Variants in MS4A13 observed in about 807,000 individuals in gnomAD.
The protein encoded by MS4A13 is membrane spanning 4-domains A13.
A neutral mutation model predicts 18.4 loss-of-function variants in MS4A13; 21 were observed. That is an observed-to-expected ratio of 1.14 (90% CI 0.81 to 1.64). The LOEUF is 1.64. Ranked by LOEUF, MS4A13 falls within the 40% of genes most tolerant of loss-of-function variation. The probability of loss-of-function intolerance (pLI) is 0.00; values close to 1 mark genes in which losing one functional copy is unlikely to be tolerated. For synonymous variants in MS4A13, 62 were observed against 57.2 expected (o/e 1.08, Z -0.38); for missense variants, 173 against 176.8 (o/e 0.98, Z 0.12).
At chr11:60,539,242 G>C (rs549003599) in intron 6 of MS4A13, among the ~76,000 whole-genome samples, 1 of 146,078 alleles carries the variant, frequency 6.8e-6, no homozygotes, top group Middle Eastern at 3.6e-3. Context: ...AGAATTATAA[G>C]ATGGCAACAA....
rs1162210477 is a variant in MS4A13 at position 60,515,602 on chromosome 11, T to C, written c.-134T>C. On this transcript the variant is annotated 5_prime_UTR_variant, in exon 1 of 7. It removes an upstream start codon present in the reference 5' UTR. Coordinates refer to ENST00000378186, the MANE Select transcript of MS4A13 (RefSeq NM_001012417.3). ...TCCTTGGAACCTTGAACAAGTAAAA[T>C]GCAGGGTAGTGATGTCGCTTTGCTG... The C allele has an allele frequency of 6.6e-6, 1 of 152,114 alleles. No individual in the cohort carries two copies. The highest frequency in any genetic ancestry group is 2.4e-5 in the African/African-American group (1 of 41,414). 9.4% of individuals were successfully genotyped at this position (152,114 alleles called of 1,614,324 possible).
At chr11:60,535,149 C>T (rs1397886309) in intron 6 of MS4A13, among the ~76,000 whole-genome samples, 66 of 43,340 alleles carry the variant, frequency 1.5e-3, no homozygotes, top group South Asian at 6.3e-3. Flanking sequence ...CAAAAGCTAG[C>T]AGAAGGCAAG....
intron 5 of MS4A13, among the ~76,000 whole-genome samples, chr11:60,527,404 C>CTGTGTGTGTGTGTG (rs1565212716): frequency 6.8e-4 from 50 of 73,484 alleles, no homozygotes; most frequent in East Asian, 1.1e-3. Flanking sequence ...CTCTCTCTCT[C>CTGTGTGTGTGTGTG]TCTCTCTGTG....
chr11:60,540,496 G>T (rs2086848466), intron 6 of MS4A13, among the ~76,000 whole-genome samples: 1 of 152,170 alleles, frequency 6.6e-6, no homozygotes, highest in African/African-American at 2.4e-5. Context: ...TGGGAATAAA[G>T]TTGCTGTATT....
chr11:60,521,007 C>T (rs956225491), intron 3 of MS4A13, among the ~76,000 whole-genome samples: 1 of 152,250 alleles, frequency 6.6e-6, no homozygotes, highest in Non-Finnish European at 1.5e-5. Context: ...AGGCTCAACA[C>T]CACATGGAAA....
chr11:60,531,558 A>G (rs1304504299), intron 6 of MS4A13, among the ~76,000 whole-genome samples: 1 of 152,224 alleles, frequency 6.6e-6, no homozygotes, highest in Non-Finnish European at 1.5e-5. Flanking sequence ...AAAGGGTAGA[A>G]GTCTTACTGG....
At chr11:60,516,243 C>T (rs776714091) in intron 2 of MS4A13, among the ~76,000 whole-genome samples, 159 bp downstream of exon 2, 8 of 150,896 alleles carry the variant, frequency 5.3e-5, no homozygotes, top group Non-Finnish European at 1.0e-4. Flanking sequence ...TTTGACTGAT[C>T]TCATGTTCCT....
At chr11:60,530,173 A>G (rs1307882733) in intron 6 of MS4A13, among the ~76,000 whole-genome samples, 5 of 152,236 alleles carry the variant, frequency 3.3e-5, no homozygotes, top group African/African-American at 1.2e-4. Flanking sequence ...TACGGAGAGC[A>G]TGCTATTTGC....
chr11:60,517,788 T>C (rs1478341288), intron 2 of MS4A13, among the ~76,000 whole-genome samples: 3 of 152,164 alleles, frequency 2.0e-5, no homozygotes, highest in Non-Finnish European at 1.5e-5. Flanking sequence ...AGGGAGACTA[T>C]CCAGTGATAG....
At chr11:60,531,293 A>T (rs963418265) in intron 6 of MS4A13, among the ~76,000 whole-genome samples, 2 of 152,178 alleles carry the variant, frequency 1.3e-5, no homozygotes, top group African/African-American at 4.8e-5. Flanking sequence ...TGGGGCAAAA[A>T]ATTTACTAGC....
intron 6 of MS4A13, among the ~76,000 whole-genome samples, chr11:60,540,224 T>C (rs2086845865): frequency 6.6e-6 from 1 of 152,204 alleles, no homozygotes; most frequent in Non-Finnish European, 1.5e-5. Context: ...CATGAAAGTA[T>C]TCATAGACAA....
intron 6 of MS4A13, 73 bp downstream of exon 6, chr11:60,529,533 A>C: frequency 1.4e-6 from 1 of 734,554 alleles, no homozygotes; most frequent in Non-Finnish European, 2.2e-6. Flanking sequence ...GAGAAGATGA[A>C]GTGCACTGAT....
At chr11:60,540,849 G>A (rs2135273933) in intron 6 of MS4A13, among the ~76,000 whole-genome samples, 1 of 151,906 alleles carries the variant, frequency 6.6e-6, no homozygotes, top group African/African-American at 2.4e-5. Context: ...AGCTACTTAG[G>A]CAGCTGAGGT....
At chr11:60,528,319 C>T (rs1157355909) in intron 5 of MS4A13, among the ~76,000 whole-genome samples, 1 of 152,174 alleles carries the variant, frequency 6.6e-6, no homozygotes, top group Admixed American at 6.5e-5. Flanking sequence ...TTCCTTCCTT[C>T]GTTTTTCTCA....
intron 6 of MS4A13, among the ~76,000 whole-genome samples, chr11:60,541,353 C>T (rs753954157): frequency 1.9e-4 from 29 of 152,122 alleles, no homozygotes; most frequent in Admixed American, 2.0e-4. Context: ...TCATAGTAGT[C>T]CCAAAGTGGA....
chr11:60,521,172 T>C (rs1250340551), intron 3 of MS4A13, among the ~76,000 whole-genome samples: 1 of 152,208 alleles, frequency 6.6e-6, no homozygotes, highest in East Asian at 1.9e-4. Context: ...AAACCACTTT[T>C]TCCTCCTAGG....
At chr11:60,524,543 C>T (rs2086699512) in intron 4 of MS4A13, among the ~76,000 whole-genome samples, 1 of 152,104 alleles carries the variant, frequency 6.6e-6, no homozygotes, top group African/African-American at 2.4e-5. Flanking sequence ...CAACTGACTC[C>T]TATTTCTACA....
chr11:60,519,080 TTG>T (rs2086656913), intron 3 of MS4A13, among the ~76,000 whole-genome samples: 1 of 152,154 alleles, frequency 6.6e-6, no homozygotes, highest in Non-Finnish European at 1.5e-5. Flanking sequence ...GATCAAGTAT[TTG>T]TGTAGGCAAG....
intron 6 of MS4A13, among the ~76,000 whole-genome samples, chr11:60,531,011 A>T (rs1288668949): frequency 6.6e-6 from 1 of 152,148 alleles, no homozygotes; most frequent in African/African-American, 2.4e-5. Context: ...TCTTTCCTTT[A>T]TAAATTACCC....
Sources: gnomAD v4.1 joint callset for allele counts (sites outside exome capture counted in the v4.1 genomes callset) on GRCh38, gnomAD v4.1.1 for gene constraint, MANE v1.5 for transcripts, NCBI Gene and HGNC (gene_info 2026-07-23, HGNC 2026-07-21) for gene names.